DDX1: variants seen among roughly 807,000 people sequenced by gnomAD.
DDX1 encodes the protein DEAD-box helicase 1, also known as ATP-dependent RNA helicase DDX1.
DDX1 carries 28 observed loss-of-function variants against 108.7 expected under a neutral mutation model. That is an observed-to-expected ratio of 0.26 (90% CI 0.19 to 0.35). The LOEUF (loss-of-function observed/expected upper bound fraction) is 0.35. Among genes scored for constraint, DDX1 ranks in the 10% least tolerant of loss-of-function variants. The pLI is 1.00. For missense variants in DDX1, 710 were observed against 884.5 expected (o/e 0.80, Z 2.50); for synonymous variants, 295 against 288.9 (o/e 1.02, Z -0.21).
At chr2:15,619,278 G>A (rs562556663) in intron 16 of DDX1, among the ~76,000 whole-genome samples, 24 of 152,330 alleles carry the variant, frequency 1.6e-4, no homozygotes, top group African/African-American at 2.2e-4. Context: ...GAGACTGTCC[G>A]CCTCCTCTCT....
At chr2:15,595,022 TA>T (rs1191424428) in intron 1 of DDX1, 122 bp from the exon 2 acceptor site, 2 of 679,808 alleles carry the variant, frequency 2.9e-6, no homozygotes, top group African/African-American at 3.7e-5. Flanking sequence ...CCACGCTCAG[TA>T]GATTTGATGT....
chr2:15,625,557 A>T (rs540220260), intron 19 of DDX1, among the ~76,000 whole-genome samples: 122 of 152,300 alleles, frequency 8.0e-4, no homozygotes, highest in African/African-American at 2.7e-3. Flanking sequence ...TGATGGATGG[A>T]TACAGGTATA....
In DDX1 at chr2:15,602,756, C is replaced by T. The variant is rs534220662; in HGVS notation, c.391+125C>T. ...CGCACGTCGCCCGGGCTGGAGGGCC[C>T]GGGCTGGAGGGCAGTGGTGCCATCT... On this transcript the variant is annotated intron_variant, in intron 7 of 25. Coordinates refer to ENST00000233084, the MANE Select transcript of DDX1 (RefSeq NM_004939.3). 33 of 676,240 alleles carry T rather than the reference C, an allele frequency of 4.9e-5. No individual in the cohort carries two copies. In the East Asian group the frequency reaches 8.5e-4, roughly 17 times the overall value. 41.9% of individuals were successfully genotyped at this position (676,240 alleles called of 1,614,324 possible). A position where few individuals can be genotyped will look rare whatever the true frequency, so the allele number is the denominator to read the frequency against.
Position 15,624,359 on chromosome 2 carries a change from C to T in DDX1, c.1594+777C>T, listed in dbSNP as rs1006767027. Among the ~76,000 whole-genome samples the T allele has an allele frequency of 7.9e-5, 12 of 152,190 alleles. No homozygotes were observed. In the South Asian group the frequency reaches 2.5e-3, roughly 32 times the overall value. On this transcript the variant is annotated intron_variant, in intron 19 of 25. Coordinates refer to ENST00000233084, the MANE Select transcript of DDX1 (RefSeq NM_004939.3). ...TCAGATTTTATGCTTCTTATAACTT[C>T]GAGAATGTAAACTGTATTAGTCTGT...
chr2:15,596,408 A>G (rs1665499288), intron 3 of DDX1, among the ~76,000 whole-genome samples: 1 of 152,198 alleles, frequency 6.6e-6, no homozygotes, highest in South Asian at 2.1e-4. Context: ...TTAGTCTTCT[A>G]TGAAGACTAA....
At position 15,608,663 on chromosome 2, in the gene DDX1, GT is replaced by G. The variant is rs569566545; in HGVS notation, c.956+1372del. On this transcript the variant is annotated intron_variant, in intron 13 of 25. Transcript: ENST00000233084. Reference sequence around the variant, plus strand: ...CACAAAAGCCTGTGTTTTTTTTTAGGTTTTTTTTTTTTTTTTTTTTTTATGA... The same window carrying G: ...CACAAAAGCCTGTGTTTTTTTTTAGGTTTTTTTTTTTTTTTTTTTTTATGA... 6.1e-3 allele frequency among the ~76,000 whole-genome samples: 653 copies of G among 106,710 alleles called. 4 individuals are homozygous for G. The highest frequency in any genetic ancestry group is 0.021 in the African/African-American group (556 of 26,710). 70.0% of individuals were successfully genotyped at this position (106,710 alleles called of 152,430 possible).
intron 6 of DDX1, among the ~76,000 whole-genome samples, chr2:15,600,802 G>A (rs922009662): frequency 8.0e-6 from 1 of 125,716 alleles, no homozygotes; most frequent in Non-Finnish European, 1.6e-5. Flanking sequence ...AGGCTGGAGT[G>A]CAGTGGCGCG....
At chr2:15,608,150 A>G (rs1252760449) in intron 13 of DDX1, among the ~76,000 whole-genome samples, 2 of 152,196 alleles carry the variant, frequency 1.3e-5, no homozygotes, top group Non-Finnish European at 2.9e-5. Flanking sequence ...CTGTTAGTCA[A>G]TTTGACACTT....
At chr2:15,613,525 C>T (rs1036293261) in intron 14 of DDX1, among the ~76,000 whole-genome samples, 4 of 152,178 alleles carry the variant, frequency 2.6e-5, no homozygotes, top group Non-Finnish European at 5.9e-5. Flanking sequence ...ACCCTCTGAA[C>T]ATTTGAGAAT....
Position 15,629,979 on chromosome 2 carries a change from C to A in DDX1, c.1972-11C>A. On this transcript the variant is annotated splice_polypyrimidine_tract_variant and intron_variant, in intron 24 of 25. Coordinates refer to ENST00000233084, the MANE Select transcript of DDX1 (RefSeq NM_004939.3). ...AAATTTTTATTTGGAAATTTTCTCTCCATTACTTAGTTACTATCTGAGATA... is the reference window on the plus strand; with the variant it reads ...AAATTTTTATTTGGAAATTTTCTCTACATTACTTAGTTACTATCTGAGATA... 6.3e-7 allele frequency: 1 copy of A among 1,577,470 alleles called. No individual in the cohort carries two copies. Among genetic ancestry groups the A allele is most frequent in the Non-Finnish European group, 8.6e-7 (1 of 1,167,756 alleles).
At chr2:15,618,302 A>C in intron 16 of DDX1, 32 bp downstream of exon 16, 1 of 1,111,300 alleles carries the variant, frequency 9.0e-7, no homozygotes, top group Non-Finnish European at 1.4e-6. Context: ...CTTAAAATGC[A>C]TGTAAACAAT....
chr2:15,616,659 G>A (rs903492486), intron 14 of DDX1, among the ~76,000 whole-genome samples: 4 of 152,286 alleles, frequency 2.6e-5, no homozygotes, highest in South Asian at 2.1e-4. Context: ...AAAACATTTT[G>A]CAGAGTGCCT....
Position 15,595,189 on chromosome 2 carries a change from G to A in DDX1, c.61G>A (p.Asp21Asn), listed in dbSNP as rs946814111. Residue 21 changes from aspartate (D) to asparagine (N), a missense_variant, in exon 2 of 26, where the codon GAT (aspartate) becomes AAT (asparagine). Transcript: ENST00000233084. Reference sequence around the variant, plus strand: ...GATTGCACAAGCTGTGGAAGAGATGGATTGGCTGTAAGTACATAAAGCCTA... The same window carrying A: ...GATTGCACAAGCTGTGGAAGAGATGAATTGGCTGTAAGTACATAAAGCCTA... Reference protein sequence around the residue: ...PEIAQAVEEMDWLLPTDIQAE... With the variant: ...PEIAQAVEEMNWLLPTDIQAE... The A allele has an allele frequency of 8.1e-6, 13 of 1,610,290 alleles. No homozygotes were observed. Among genetic ancestry groups the A allele is most frequent in the Middle Eastern group, 1.7e-4 (1 of 6,050 alleles).
intron 3 of DDX1, among the ~76,000 whole-genome samples, 157 bp downstream of exon 3, chr2:15,595,710 TCCTGAGAAG>T (rs1477637436): frequency 6.6e-6 from 1 of 152,150 alleles, no homozygotes. Flanking sequence ...AAGTATTTAC[TCCTGAGAAG>T]CTTAAACCCA....
intron 6 of DDX1, 134 bp downstream of exon 6, chr2:15,599,850 A>G: frequency 1.7e-6 from 1 of 604,250 alleles, no homozygotes; most frequent in South Asian, 2.4e-5. Flanking sequence ...ATTAAACAGT[A>G]TAGAACTGAC....
Position 15,604,444 on chromosome 2 carries a change from C to G in DDX1, c.560C>G (p.Thr187Ser). ...GACTTTCTGGTGTTCTAGGAATTCA[C>G]TATGCATGATACCATTGGATGTTAC... ...KQFDNYGEEFTMHDTIGCYLD... is the reference protein window; with the variant it reads ...KQFDNYGEEFSMHDTIGCYLD... Residue 187 changes from threonine to serine, a missense_variant, in exon 10 of 26, where the codon ACT (threonine) becomes AGT (serine). By Grantham distance (58) the Thr-to-Ser change is moderately conservative. Coordinates refer to ENST00000233084, the MANE Select transcript of DDX1 (RefSeq NM_004939.3). 6.2e-7 allele frequency: 1 copy of G among 1,606,788 alleles called. No homozygotes were observed. The highest frequency in any genetic ancestry group is 8.5e-7 in the Non-Finnish European group (1 of 1,173,970).
chr2:15,629,310 A>G (rs1666153832), intron 23 of DDX1, among the ~76,000 whole-genome samples: 1 of 152,178 alleles, frequency 6.6e-6, no homozygotes, highest in Non-Finnish European at 1.5e-5. Flanking sequence ...TAATATTGAC[A>G]TAGTATGCTT....
In DDX1 at chr2:15,618,174, C is replaced by T. The variant is rs1391803273; in HGVS notation, c.1117-7C>T. ...AAAACTTAATTTATTCTTTGTTTCTCATGCAGGATGGGCTTCTTTCTCAAG... is the reference window on the plus strand; with the variant it reads ...AAAACTTAATTTATTCTTTGTTTCTTATGCAGGATGGGCTTCTTTCTCAAG... On this transcript the variant is annotated splice_region_variant and splice_polypyrimidine_tract_variant and intron_variant, in intron 15 of 25. Coordinates refer to ENST00000233084, the MANE Select transcript of DDX1 (RefSeq NM_004939.3). 3 of 1,522,790 alleles carry T rather than the reference C, an allele frequency of 2.0e-6. No homozygotes were observed. The highest frequency in any genetic ancestry group is 2.7e-5 in the African/African-American group (2 of 73,068). The allele number at this position is 1,522,790 out of a possible 1,614,324, so 94.3% of individuals were successfully genotyped here.
intron 1 of DDX1, among the ~76,000 whole-genome samples, chr2:15,593,164 C>A (rs1024668249): frequency 2.0e-5 from 3 of 152,088 alleles, no homozygotes; most frequent in African/African-American, 7.2e-5. Context: ...TCAGGTGATC[C>A]GCTCACCTCG....
Sources: allele counts gnomAD v4.1 joint callset (sites outside exome capture counted in the v4.1 genomes callset), GRCh38; gene constraint gnomAD v4.1.1; transcripts MANE v1.5; gene names NCBI Gene and HGNC (gene_info 2026-07-23, HGNC 2026-07-21).